Variants in CTNND2 observed in about 807,000 individuals in gnomAD.
CTNND2 encodes catenin delta-2.
In CTNND2, 22 loss-of-function variants were observed where a neutral mutation model predicts 144.4. The observed-to-expected ratio is 0.15, with a 90% CI of 0.11 to 0.22. CTNND2 has a LOEUF of 0.22. Among genes scored for constraint, CTNND2 ranks in the 10% least tolerant of loss-of-function variants. The pLI, the probability that CTNND2 is intolerant of heterozygous loss-of-function variation, is 1.00. For missense variants in CTNND2, 1,353 were observed against 1,618.8 expected, an observed-to-expected ratio of 0.84 and a Z score of 2.82; for synonymous variants, 751 against 695.6, an observed-to-expected ratio of 1.08 and a Z score of -1.25.
chr5:11,455,380 G>A lies in CTNND2; in HGVS notation c.288-43311C>T, dbSNP rs149160534. ...CCAACTTAATGTTTTTCTAATTCAC[G>A]TAATCGCATGGTGCATACACTATGA... is the stretch of plus-strand genomic sequence containing the variant. On this transcript the variant is annotated intron_variant, in intron 3 of 21. Transcript: ENST00000304623. 9.1e-4 allele frequency among the ~76,000 whole-genome samples: 138 copies of A among 152,224 alleles called. 1 individual carries two copies. The highest frequency in any genetic ancestry group is 2.7e-3 in the Admixed American group (41 of 15,294).
At chr5:11,104,876 C>T (rs2149675961) in intron 14 of CTNND2, among the ~76,000 whole-genome samples, 1 of 152,346 alleles carries the variant, frequency 6.6e-6, no homozygotes, top group East Asian at 1.9e-4. Flanking sequence ...GGATGAGGTG[C>T]TGTCTGAACA....
intron 2 of CTNND2, among the ~76,000 whole-genome samples, chr5:11,621,249 G>A (rs73742886): frequency 0.015 from 2,242 of 152,222 alleles, 58 homozygotes; most frequent in African/African-American, 0.051. Context: ...GGATACATTG[G>A]TGGATAATTA....
chr5:11,530,564 C>T (rs1162209774), intron 3 of CTNND2, among the ~76,000 whole-genome samples: 3 of 152,112 alleles, frequency 2.0e-5, no homozygotes, highest in African/African-American at 7.2e-5. Context: ...TTCAGGACAC[C>T]AAGTCCTTTG....
chr5:11,555,450 G>C (rs960438600), intron 3 of CTNND2, among the ~76,000 whole-genome samples: 2 of 152,090 alleles, frequency 1.3e-5, no homozygotes, highest in African/African-American at 4.8e-5. Flanking sequence ...CAAAAAAAGA[G>C]AGGTTTAGAG....
intron 9 of CTNND2, among the ~76,000 whole-genome samples, chr5:11,284,227 T>C (rs1747488298): frequency 6.6e-6 from 1 of 152,112 alleles, no homozygotes; most frequent in African/African-American, 2.4e-5. Context: ...CGGGCTCCTG[T>C]TGTGGGGAGG....
At chr5:11,424,047 C>A (rs564360817) in intron 3 of CTNND2, among the ~76,000 whole-genome samples, 59 of 151,916 alleles carry the variant, frequency 3.9e-4, no homozygotes, top group Admixed American at 3.5e-3. Flanking sequence ...GGCCTTTTGA[C>A]CATCTGAGTC....
chr5:11,161,918 G>A (rs1027703004), intron 11 of CTNND2, among the ~76,000 whole-genome samples: 2 of 152,160 alleles, frequency 1.3e-5, no homozygotes, highest in South Asian at 4.1e-4. Context: ...TTGGGAGGCT[G>A]AGGCAGGTGG....
intron 5 of CTNND2, among the ~76,000 whole-genome samples, chr5:11,410,789 ATT>A (rs531026134): frequency 6.6e-6 from 1 of 151,376 alleles, no homozygotes; most frequent in Non-Finnish European, 1.5e-5. Flanking sequence ...AGAGTACACC[ATT>A]TTTTTTCCTA....
chr5:11,603,882 T>C (rs1398574314), intron 2 of CTNND2, among the ~76,000 whole-genome samples: 1 of 152,218 alleles, frequency 6.6e-6, no homozygotes, highest in Non-Finnish European at 1.5e-5. Context: ...ATATTTGATA[T>C]CTGCTTCTCT....
intron 3 of CTNND2, among the ~76,000 whole-genome samples, chr5:11,480,303 T>C (rs1252759263): frequency 6.6e-6 from 1 of 152,166 alleles, no homozygotes. Flanking sequence ...AGCTTTCATG[T>C]TTGAACTTTT....
At chr5:11,109,417 A>C (rs1004742645) in intron 14 of CTNND2, among the ~76,000 whole-genome samples, 18 of 152,246 alleles carry the variant, frequency 1.2e-4, no homozygotes, top group African/African-American at 4.3e-4. Context: ...TTTTTCTTAT[A>C]GCTAAATTTG....
At chr5:11,253,518 C>T (rs1437718097) in intron 9 of CTNND2, among the ~76,000 whole-genome samples, 2 of 152,110 alleles carry the variant, frequency 1.3e-5, no homozygotes, top group Non-Finnish European at 2.9e-5. Context: ...TTCTCTCTTG[C>T]CTGCTGCCAT....
intron 8 of CTNND2, among the ~76,000 whole-genome samples, chr5:11,350,367 A>G (rs1755201441): frequency 6.6e-6 from 1 of 151,808 alleles, no homozygotes; most frequent in South Asian, 2.1e-4. Context: ...AATAAAAAAT[A>G]TATATATAAT....
chr5:11,851,160 T>A (rs1794992980), intron 1 of CTNND2, among the ~76,000 whole-genome samples: 1 of 152,164 alleles, frequency 6.6e-6, no homozygotes, highest in Admixed American at 6.5e-5. Flanking sequence ...CCTCCTTGAA[T>A]TTCCTGCCTG....
chr5:11,164,442 C>T (rs1277317530), intron 11 of CTNND2, among the ~76,000 whole-genome samples: 2 of 152,280 alleles, frequency 1.3e-5, no homozygotes, highest in African/African-American at 4.8e-5. Context: ...ATCTTGATCA[C>T]ATTCATTCAT....
intron 1 of CTNND2, among the ~76,000 whole-genome samples, chr5:11,858,810 C>A (rs939967228): frequency 6.6e-6 from 1 of 151,944 alleles, no homozygotes; most frequent in East Asian, 1.9e-4. Flanking sequence ...GTGCCTGTAG[C>A]CCCAGCTATT....
chr5:11,831,426 T>C (rs1184852772), intron 1 of CTNND2, among the ~76,000 whole-genome samples: 1 of 151,972 alleles, frequency 6.6e-6, no homozygotes, highest in Non-Finnish European at 1.5e-5. Flanking sequence ...CCCAGCACTT[T>C]AGGAGGCTGA....
intron 9 of CTNND2, among the ~76,000 whole-genome samples, chr5:11,312,407 C>T (rs375723919): frequency 2.2e-4 from 34 of 151,984 alleles, no homozygotes; most frequent in South Asian, 1.7e-3. Context: ...AGAATCATGG[C>T]GGGAGGCGAA....
At chr5:11,230,222 AGG>A (rs1424331787) in intron 10 of CTNND2, among the ~76,000 whole-genome samples, 1 of 44,650 alleles carries the variant, frequency 2.2e-5, no homozygotes, top group African/African-American at 9.5e-5. Flanking sequence ...TGTGGTGGGG[AGG>A]GGGGAGGGGG....
Sources: gnomAD v4.1 joint callset for allele counts (sites outside exome capture counted in the v4.1 genomes callset) on GRCh38, gnomAD v4.1.1 for gene constraint, MANE v1.5 for transcripts, NCBI Gene and HGNC (gene_info 2026-07-23, HGNC 2026-07-21) for gene names.